The following TENM1 variants were observed in gnomAD, a reference collection of about 807,000 sequenced individuals.
The protein encoded by TENM1 is teneurin-1.
A neutral mutation model predicts 174.8 loss-of-function variants in TENM1; 35 were observed. That is an observed-to-expected ratio of 0.20 (90% CI 0.15 to 0.27). The LOEUF (loss-of-function observed/expected upper bound fraction) is 0.27, where lower values mean the gene tolerates loss of function less well. Among genes scored for constraint, TENM1 ranks in the 10% least tolerant of loss-of-function variants. The pLI, the probability that TENM1 is intolerant of heterozygous loss-of-function variation, is 1.00. For missense variants in TENM1, 1,633 were observed against 2,130.1 expected (o/e 0.77, Z 4.59); for synonymous variants, 781 against 798.7 (o/e 0.98, Z 0.37).
At chrX:124,696,004 G>C (rs2052640293) in intron 5 of TENM1, among the ~76,000 whole-genome samples, 1 of 111,941 alleles carries the variant, frequency 8.9e-6, no homozygotes, top group South Asian at 3.7e-4. Flanking sequence ...TTTGGGTTTT[G>C]TACAATCTTA....
Position 124,583,709 on chromosome X carries a change from A to C in TENM1, c.2078-18149T>G, listed in dbSNP as rs200765359. 1.4e-4 allele frequency among the ~76,000 whole-genome samples: 16 copies of C among 112,454 alleles called. No homozygotes were observed. In the East Asian group the frequency reaches 4.5e-3, roughly 31 times the overall value. ...GAGAATGACTTTGACGAGTTGAGAG[A>C]AGAAGGCTTCAGACGATCAAACTAC... On this transcript the variant is annotated intron_variant, in intron 11 of 31. Coordinates refer to ENST00000422452, the Ensembl canonical transcript of TENM1.
chrX:124,669,955 G>A (rs967409814), intron 6 of TENM1, among the ~76,000 whole-genome samples: 4 of 111,581 alleles, frequency 3.6e-5, no homozygotes, highest in Non-Finnish European at 7.5e-5. Context: ...CAGTGTAGAA[G>A]TTAAGAGACT....
In TENM1 at chrX:124,642,964, T is replaced by C. The variant is rs192044695; in HGVS notation, c.1877-973A>G. Among the ~76,000 whole-genome samples the C allele has an allele frequency of 1.1e-3, 119 of 112,230 alleles. 1 individual carries two copies. The highest frequency in any genetic ancestry group is 3.7e-3 in the African/African-American group (114 of 30,925). On this transcript the variant is annotated intron_variant, in intron 10 of 31. Transcript: ENST00000422452. Reference sequence around the variant, plus strand: ...AGACTGCCTAGTTTTAGGGTGTGGCTTGGGTCTGTGGAACAGAGTAAGTCT... The same window carrying C: ...AGACTGCCTAGTTTTAGGGTGTGGCCTGGGTCTGTGGAACAGAGTAAGTCT...
chrX:124,568,544 C>T (rs777768175), intron 11 of TENM1, among the ~76,000 whole-genome samples: 1 of 111,753 alleles, frequency 8.9e-6, no homozygotes, highest in East Asian at 2.8e-4. Context: ...TTATATTATT[C>T]GGGAGTTAGG....
chrX:125,144,589 G>A, the TENM1 span, among the ~76,000 whole-genome samples: 221 of 111,567 alleles, frequency 2.0e-3, no homozygotes, highest in Non-Finnish European at 3.5e-3. Context: ...TGACCATAAT[G>A]AACCAACCAA....
the TENM1 span, among the ~76,000 whole-genome samples, chrX:125,109,426 A>G: frequency 1.8e-5 from 2 of 110,332 alleles, no homozygotes; most frequent in Non-Finnish European, 3.8e-5. Flanking sequence ...GGTTTGTTAT[A>G]TAGGTAAACG....
chrX:124,747,476 T>C (rs1211042161), intron 3 of TENM1, among the ~76,000 whole-genome samples: 2 of 107,962 alleles, frequency 1.9e-5, no homozygotes, highest in Non-Finnish European at 3.8e-5. Context: ...TTGATAAATA[T>C]GTCCTTTAAG....
chrX:124,863,354 T>C (rs1279953873), intron 3 of TENM1, among the ~76,000 whole-genome samples: 1 of 111,064 alleles, frequency 9.0e-6, no homozygotes, highest in African/African-American at 3.3e-5. Flanking sequence ...TGAACAGCAT[T>C]TCTGGACCTG....
intron 15 of TENM1, among the ~76,000 whole-genome samples, chrX:124,539,426 A>G (rs1057328366): frequency 1.8e-5 from 2 of 111,852 alleles, no homozygotes; most frequent in Non-Finnish European, 1.9e-5. Flanking sequence ...TGCCTCCCTC[A>G]CTAGACTGTA....
the TENM1 span, among the ~76,000 whole-genome samples, chrX:125,097,974 A>ATCTT: frequency 1.8e-5 from 2 of 112,734 alleles, no homozygotes; most frequent in Non-Finnish European, 3.7e-5. Context: ...TAAACTTAAG[A>ATCTT]AAGTGTCGGC....
chrX:124,420,262 A>G (rs1401143098), intron 25 of TENM1, 49 bp downstream of exon 28: 5 of 1,140,235 alleles, frequency 4.4e-6, no homozygotes, highest in Non-Finnish European at 4.7e-6. Flanking sequence ...GTATAATACA[A>G]TTTCAAATAA....
intron 22 of TENM1, among the ~76,000 whole-genome samples, chrX:124,462,518 C>T (rs1009011518): frequency 2.7e-5 from 3 of 109,325 alleles, no homozygotes; most frequent in Non-Finnish European, 5.7e-5. Flanking sequence ...AACCCAAATC[C>T]TATTCACCTT....
the TENM1 span, among the ~76,000 whole-genome samples, chrX:125,067,841 C>T: frequency 8.9e-6 from 1 of 111,934 alleles, no homozygotes; most frequent in Admixed American, 9.5e-5. Context: ...CTCATCTTTC[C>T]CTTCTTTTTT....
chrX:124,909,411 T>G (rs1176044975), intron 1 of TENM1, among the ~76,000 whole-genome samples: 2 of 112,064 alleles, frequency 1.8e-5, no homozygotes, highest in African/African-American at 6.5e-5. Flanking sequence ...CACTGCTGTC[T>G]CCATCTGGAT....
intron 3 of TENM1, among the ~76,000 whole-genome samples, chrX:124,889,983 T>G (rs1011478259): frequency 5.0e-4 from 56 of 111,797 alleles, no homozygotes; most frequent in African/African-American, 1.7e-3. Context: ...ATGTGTGTTA[T>G]TCATCTTTCA....
intron 4 of TENM1, among the ~76,000 whole-genome samples, chrX:124,716,810 A>G (rs1857503289): frequency 9.0e-6 from 1 of 111,717 alleles, no homozygotes; most frequent in Non-Finnish European, 1.9e-5. Flanking sequence ...ATAACTCCCT[A>G]AACACACTGT....
At chrX:124,698,406 A>T (rs935218142) in intron 5 of TENM1, among the ~76,000 whole-genome samples, 1 of 111,125 alleles carries the variant, frequency 9.0e-6, no homozygotes, top group African/African-American at 3.3e-5. Context: ...AAGTCAAGTG[A>T]GTTTTATCAT....
intron 11 of TENM1, among the ~76,000 whole-genome samples, chrX:124,594,901 A>C (rs1009500168): frequency 8.9e-6 from 1 of 112,167 alleles, no homozygotes; most frequent in Non-Finnish European, 1.9e-5. Context: ...CAGGATAGTT[A>C]ATTCTTTTTG....
the TENM1 span, among the ~76,000 whole-genome samples, chrX:124,970,776 C>T: frequency 4.5e-5 from 5 of 110,968 alleles, no homozygotes; most frequent in Admixed American, 4.8e-4. Context: ...CCCAGCCATC[C>T]CATTACTGGG....
Sources: gnomAD v4.1 joint callset for allele counts (sites outside exome capture counted in the v4.1 genomes callset) on GRCh38, gnomAD v4.1.1 for gene constraint, MANE v1.5 for transcripts, NCBI Gene and HGNC (gene_info 2026-07-23, HGNC 2026-07-21) for gene names.